Variants in LIPJ observed in about 807,000 individuals in gnomAD.
The protein encoded by LIPJ is lipase member J.
Under a neutral mutation model 39.8 loss-of-function variants are expected in LIPJ, and 33 were observed. The observed-to-expected ratio is 0.83, with a 90% confidence interval of 0.63 to 1.11. The LOEUF (loss-of-function observed/expected upper bound fraction) is 1.11, where lower values mean the gene tolerates loss of function less well. Ranked by LOEUF, LIPJ falls within the 50% of genes least tolerant of loss-of-function variation. LIPJ has a pLI of 0.00. For missense variants in LIPJ, 422 were observed against 427.9 expected (o/e 0.99, Z 0.12); for synonymous variants, 128 against 139.2 (o/e 0.92, Z 0.57).
intron 9 of LIPJ, among the ~76,000 whole-genome samples, chr10:88,604,283 G>A (rs764343375): frequency 6.6e-6 from 1 of 152,204 alleles, no homozygotes; most frequent in Non-Finnish European, 1.5e-5. Context: ...ACAGGGATCT[G>A]CATGTCATTG....
downstream of LIPJ, among the ~76,000 whole-genome samples, chr10:88,611,963 C>A (rs997274904): frequency 3.3e-5 from 5 of 152,180 alleles, no homozygotes. Context: ...GGCACATAGT[C>A]ATCAGGTTAT....
chr10:88,604,007 C>G (rs1851581148), intron 9 of LIPJ, among the ~76,000 whole-genome samples: 1 of 152,122 alleles, frequency 6.6e-6, no homozygotes, highest in Admixed American at 6.6e-5. Context: ...GTGAACAAAA[C>G]AAGAACTCCT....
intron 5 of LIPJ, 82 bp downstream of exon 5, chr10:88,594,226 T>A (rs996848866): frequency 1.9e-6 from 2 of 1,031,662 alleles, no homozygotes; most frequent in Non-Finnish European, 2.8e-6. Flanking sequence ...AAAATTTAGG[T>A]CTTACTATTT....
chr10:88,592,348 G>A (rs1481529902), intron 4 of LIPJ: 1 of 151,782 alleles, frequency 6.6e-6, no homozygotes, highest in Non-Finnish European at 1.5e-5. Context: ...CATTTTACAA[G>A]TACTGTATTA....
the LIPJ span, among the ~76,000 whole-genome samples, chr10:88,613,483 G>A: frequency 2.0e-5 from 3 of 151,884 alleles, no homozygotes; most frequent in South Asian, 6.2e-4. Flanking sequence ...TTCACTGGTT[G>A]TATACATGAT....
chr10:88,608,770 G>T (rs1851715982), downstream of LIPJ, among the ~76,000 whole-genome samples: 2 of 152,128 alleles, frequency 1.3e-5, no homozygotes, highest in Non-Finnish European at 2.9e-5. Context: ...AGGGTCCAAA[G>T]GCAGGGATCC....
At chr10:88,603,632 C>T (rs1851568087) in intron 9 of LIPJ, among the ~76,000 whole-genome samples, 1 of 152,020 alleles carries the variant, frequency 6.6e-6, no homozygotes, top group Non-Finnish European at 1.5e-5. Context: ...AATCAGTTTC[C>T]TTTATTTTTA....
rs1423941713 is a variant in LIPJ, at chr10:88,587,317, T to C, written c.-179T>C. 1 of 152,082 alleles carries C rather than the reference T, an allele frequency of 6.6e-6. No individual in the cohort carries two copies. The highest frequency in any genetic ancestry group is 2.4e-5 in the African/African-American group (1 of 41,444). The allele number at this position is 152,082 out of a possible 1,614,324, so 9.4% of individuals were successfully genotyped here. On this transcript the variant is annotated 5_prime_UTR_variant, in exon 2 of 11. An upstream open reading frame in the 5' UTR loses its in-frame stop. Coordinates refer to ENST00000371939, the Ensembl canonical transcript of LIPJ. Reference sequence around the variant, plus strand: ...TATGACTCTACTTAGCAACTTTTGCTAAAAGAAACACAATATATGACTGAC... The same window carrying C: ...TATGACTCTACTTAGCAACTTTTGCCAAAAGAAACACAATATATGACTGAC...
the LIPJ span, among the ~76,000 whole-genome samples, chr10:88,612,087 G>A: frequency 6.6e-6 from 1 of 152,160 alleles, no homozygotes; most frequent in Non-Finnish European, 1.5e-5. Flanking sequence ...AACCCTACAA[G>A]CTAGAAAGGA....
At chr10:88,602,331 G>A (rs60715656) in intron 8 of LIPJ, among the ~76,000 whole-genome samples, 1,613 of 152,006 alleles carry the variant, frequency 0.011, 31 homozygotes, top group African/African-American at 0.037. Context: ...ACATTTGATT[G>A]TTTCCAGTAG....
chr10:88,616,348 A>AC, the LIPJ span, among the ~76,000 whole-genome samples: 2 of 152,202 alleles, frequency 1.3e-5, no homozygotes, highest in Admixed American at 1.3e-4. Context: ...CAGGGTCCTC[A>AC]TAAAAGTCCC....
At chr10:88,585,873 T>C (rs1436916488), upstream of LIPJ, 1 of 152,214 alleles carries the variant, frequency 6.6e-6, no homozygotes, top group Non-Finnish European at 1.5e-5. Context: ...AGAATTAAGT[T>C]CCATTCATTC....
At chr10:88,598,741 C>T (rs1330050786) in intron 8 of LIPJ, among the ~76,000 whole-genome samples, 1 of 151,674 alleles carries the variant, frequency 6.6e-6, no homozygotes, top group Non-Finnish European at 1.5e-5. Flanking sequence ...TTGTATAAGC[C>T]TCTGACCTAC....
chr10:88,604,845 G>A (rs963153007), intron 9 of LIPJ, among the ~76,000 whole-genome samples: 2 of 152,150 alleles, frequency 1.3e-5, no homozygotes, highest in African/African-American at 4.8e-5. Context: ...AGCCAAGAGA[G>A]TGAGAATACA....
chr10:88,606,805 T>C (rs1851681824), exon 11 of LIPJ: 2 of 1,612,748 alleles, frequency 1.2e-6, no homozygotes, highest in Non-Finnish European at 1.7e-6. Context: ...ACATTTATTA[T>C]AAAACTATTT....
upstream of LIPJ, chr10:88,583,256 A>G (rs1199934533): frequency 1.0e-5 from 16 of 1,591,972 alleles, no homozygotes; most frequent in Non-Finnish European, 1.2e-5. Context: ...GGCTTTCTGG[A>G]AAGGCGGCCG....
At chr10:88,583,210 C>T, upstream of LIPJ, 2 of 1,613,200 alleles carry the variant, frequency 1.2e-6, no homozygotes, top group Non-Finnish European at 1.7e-6. Flanking sequence ...GAGCAGCGAT[C>T]CGCGCTGAGT....
At chr10:88,601,596 A>T (rs561718097) in intron 8 of LIPJ, among the ~76,000 whole-genome samples, 1 of 152,178 alleles carries the variant, frequency 6.6e-6, no homozygotes, top group East Asian at 1.9e-4. Context: ...CCGCAGGATG[A>T]AAGTTGGGAT....
At chr10:88,601,678 C>T (rs1290174987) in intron 8 of LIPJ, among the ~76,000 whole-genome samples, 3 of 152,172 alleles carry the variant, frequency 2.0e-5, no homozygotes, top group Non-Finnish European at 4.4e-5. Context: ...TTTACAATTT[C>T]TGTAAACCTG....
Sources: gnomAD v4.1 joint callset for allele counts (sites outside exome capture counted in the v4.1 genomes callset) on GRCh38, gnomAD v4.1.1 for gene constraint, MANE v1.5 for transcripts, NCBI Gene and HGNC (gene_info 2026-07-23, HGNC 2026-07-21) for gene names.